Variants in BCHE observed in about 807,000 individuals in gnomAD.
The protein encoded by BCHE is cholinesterase.
In BCHE, 48 loss-of-function variants were observed where a neutral mutation model predicts 51.3. The ratio of observed to expected loss-of-function variants is 0.94; its 90% CI spans 0.74 to 1.19. The LOEUF (loss-of-function observed/expected upper bound fraction) is 1.19, where lower values mean the gene tolerates loss of function less well. BCHE is among the 50% of genes most tolerant of loss of function. The pLI, the probability that BCHE is intolerant of heterozygous loss-of-function variation, is 0.00. For synonymous variants in BCHE, 251 were observed against 238.0 expected, an observed-to-expected ratio of 1.05 and a Z score of -0.50; for missense variants, 847 against 708.2, an observed-to-expected ratio of 1.20 and a Z score of -2.23.
At chr3:165,791,901 T>C (rs1348333474) in intron 2 of BCHE, among the ~76,000 whole-genome samples, 1 of 151,820 alleles carries the variant, frequency 6.6e-6, no homozygotes, top group Non-Finnish European at 1.5e-5. Context: ...TGAACTGAGA[T>C]CTTGCCACTG....
chr3:165,799,117 T>C (rs1713539336), intron 2 of BCHE, among the ~76,000 whole-genome samples: 1 of 152,154 alleles, frequency 6.6e-6, no homozygotes, highest in Admixed American at 6.5e-5. Flanking sequence ...TTTTCAACTT[T>C]TAAGTTAAAA....
chr3:165,806,732 A>G (rs957762801), intron 2 of BCHE, among the ~76,000 whole-genome samples: 5 of 152,144 alleles, frequency 3.3e-5, no homozygotes, highest in African/African-American at 7.2e-5. Context: ...ACACATCTTT[A>G]TAATAATAAT....
chr3:165,773,441 C>A lies in BCHE; in HGVS notation c.1750G>T (p.Asp584Tyr). ...GFHRWNNYMM[D>Y]WKNQFNDYTS... ...TAATCGTTAAATTGATTTTTCCAGTCCATCATGTAATTGTTCCAGCGATGG... is the reference window on the plus strand; with the variant it reads ...TAATCGTTAAATTGATTTTTCCAGTACATCATGTAATTGTTCCAGCGATGG... The change falls in exon 4 of 4, where the codon GAC (aspartate) becomes TAC (tyrosine). Residue 584 changes from aspartate to tyrosine, a missense_variant. Transcript: ENST00000264381. 6.2e-7 allele frequency: 1 copy of A among 1,609,892 alleles called. No homozygotes were observed. Among genetic ancestry groups the A allele is most frequent in the Non-Finnish European group, 8.5e-7 (1 of 1,176,638 alleles).
intron 1 of BCHE, among the ~76,000 whole-genome samples, chr3:165,836,256 T>C (rs1715185026): frequency 6.6e-6 from 1 of 151,966 alleles, no homozygotes; most frequent in Non-Finnish European, 1.5e-5. Flanking sequence ...AAGATTTTTA[T>C]TCAAATGTTA....
chr3:165,826,188 C>G (rs931604735), intron 2 of BCHE, among the ~76,000 whole-genome samples: 2 of 152,044 alleles, frequency 1.3e-5, no homozygotes, highest in African/African-American at 4.8e-5. Flanking sequence ...TACAACAAGA[C>G]AAAAGTCTTC....
chr3:165,827,261 A>G (rs1714755809), intron 2 of BCHE, among the ~76,000 whole-genome samples: 1 of 152,104 alleles, frequency 6.6e-6, no homozygotes, highest in Admixed American at 6.6e-5. Context: ...TCTCTGTTCA[A>G]CTGTGCAAAT....
chr3:165,830,682 C>T lies in BCHE; in HGVS notation c.352G>A (p.Glu118Lys), dbSNP rs746209182. 1 of 1,614,040 alleles carries T rather than the reference C, an allele frequency of 6.2e-7. No homozygotes were observed. The highest frequency in any genetic ancestry group is 1.7e-5 in the Admixed American group (1 of 59,962). The stretch of plus-strand genomic sequence containing the variant: ...CATACATTTAGATATAAACAGTCTT[C>T]ACTGAGGTCAGTGTTTGGGTTCCAC... ...EMWNPNTDLS[E>K]DCLYLNVWIP... Residue 118 changes from glutamate to lysine, a missense_variant, in exon 2 of 4, where the codon GAA becomes AAA. By Grantham distance (56) the Glu-to-Lys change is moderately conservative. Transcript: ENST00000264381.
At chr3:165,834,810 T>C (rs1715132197) in intron 1 of BCHE, among the ~76,000 whole-genome samples, 1 of 151,842 alleles carries the variant, frequency 6.6e-6, no homozygotes. Context: ...TATTATACTT[T>C]AAGTTTTAGG....
chr3:165,779,151 A>G (rs1165289093), intron 3 of BCHE, among the ~76,000 whole-genome samples: 2 of 152,146 alleles, frequency 1.3e-5, no homozygotes, highest in Admixed American at 6.6e-5. Context: ...ATGCAAGTAC[A>G]TTTTCCACTC....
intron 2 of BCHE, among the ~76,000 whole-genome samples, chr3:165,812,968 A>C (rs2108223074): frequency 6.6e-6 from 1 of 152,078 alleles, no homozygotes; most frequent in South Asian, 2.1e-4. Flanking sequence ...AATGTTCAAT[A>C]TCCTTCATAA....
intron 2 of BCHE, among the ~76,000 whole-genome samples, chr3:165,798,716 G>A (rs779039120): frequency 2.5e-4 from 38 of 152,032 alleles, no homozygotes; most frequent in Non-Finnish European, 2.1e-4. Context: ...GAGTGTTGTG[G>A]TGTGTGCTTA....
chr3:165,811,682 T>G (rs1209219583), intron 2 of BCHE, among the ~76,000 whole-genome samples: 1 of 152,030 alleles, frequency 6.6e-6, no homozygotes, highest in Non-Finnish European at 1.5e-5. Flanking sequence ...TAATTTAGAA[T>G]AATATTTCCT....
chr3:165,783,008 C>G (rs1389416159), intron 3 of BCHE, among the ~76,000 whole-genome samples: 1 of 152,030 alleles, frequency 6.6e-6, no homozygotes, highest in African/African-American at 2.4e-5. Flanking sequence ...CATTCAGACC[C>G]TAGCAGAAGA....
rs760910642 is a variant in BCHE at position 165,773,445 on chromosome 3, C to G, written c.1746G>C (p.Met582Ile). 3.1e-6 allele frequency: 5 copies of G among 1,609,698 alleles called. No individual in the cohort carries two copies. Among genetic ancestry groups the G allele is most frequent in the Non-Finnish European group, 2.6e-6 (3 of 1,176,456 alleles). Reference sequence around the variant, plus strand: ...CGTTAAATTGATTTTTCCAGTCCATCATGTAATTGTTCCAGCGATGGAATC... The same window carrying G: ...CGTTAAATTGATTTTTCCAGTCCATGATGTAATTGTTCCAGCGATGGAATC... The part of the protein sequence containing the change: ...KAGFHRWNNY[M>I]MDWKNQFNDY... The change falls in exon 4 of 4, where the codon ATG becomes ATC. Residue 582 changes from methionine (M) to isoleucine (I), a missense_variant. Transcript: ENST00000264381.
chr3:165,787,953 T>C (rs1350661879), intron 2 of BCHE, among the ~76,000 whole-genome samples: 1 of 152,004 alleles, frequency 6.6e-6, no homozygotes, highest in Non-Finnish European at 1.5e-5. Context: ...CAAAGATAAG[T>C]AATTCATTCC....
intron 2 of BCHE, among the ~76,000 whole-genome samples, chr3:165,821,451 A>C (rs1714513332): frequency 6.6e-6 from 1 of 151,800 alleles, no homozygotes; most frequent in Admixed American, 6.6e-5. Context: ...AAAAAGAGAG[A>C]GAGAGCGCAC....
chr3:165,834,403 C>G (rs1180297090), intron 1 of BCHE, among the ~76,000 whole-genome samples: 2 of 151,774 alleles, frequency 1.3e-5, no homozygotes, highest in Non-Finnish European at 2.9e-5. Context: ...GCATTCATTG[C>G]AAAAATGACA....
chr3:165,819,111 T>C (rs1714417126), intron 2 of BCHE, among the ~76,000 whole-genome samples: 1 of 147,792 alleles, frequency 6.8e-6, no homozygotes, highest in South Asian at 2.1e-4. Context: ...AGAGTTTTGC[T>C]CTTGTTGCCC....
rs1714937673 is a variant in BCHE, at chr3:165,830,677, G to A, written c.357C>T (p.Asp119=). 1.9e-6 allele frequency: 3 copies of A among 1,614,002 alleles called. No homozygotes were observed. The African/African-American group carries it at 4.0e-5, about 22-fold the overall frequency. Residue 119 remains aspartate (D), a synonymous_variant, in exon 2 of 4, where the codon GAC becomes GAT. Transcript: ENST00000264381. ...MWNPNTDLSE[D]CLYLNVWIPA... ...GAATCCATACATTTAGATATAAACAGTCTTCACTGAGGTCAGTGTTTGGGT... is the reference window on the plus strand; with the variant it reads ...GAATCCATACATTTAGATATAAACAATCTTCACTGAGGTCAGTGTTTGGGT...
Sources: allele counts gnomAD v4.1 joint callset (sites outside exome capture counted in the v4.1 genomes callset), GRCh38; gene constraint gnomAD v4.1.1; transcripts MANE v1.5; gene names NCBI Gene and HGNC (gene_info 2026-07-23, HGNC 2026-07-21).